Variants in FGD6 observed in about 807,000 individuals in gnomAD.
FGD6 encodes the protein FYVE, RhoGEF and PH domain containing 6.
A neutral mutation model predicts 149.4 loss-of-function variants in FGD6; 90 were observed. The ratio of observed to expected loss-of-function variants is 0.60; its 90% CI spans 0.51 to 0.72. The LOEUF (loss-of-function observed/expected upper bound fraction) is 0.72, where lower values mean the gene tolerates loss of function less well. Among genes scored for constraint, FGD6 ranks in the 30% least tolerant of loss-of-function variants. The probability of loss-of-function intolerance (pLI) is 0.00; values close to 1 mark genes in which losing one functional copy is unlikely to be tolerated. For synonymous variants in FGD6, 527 were observed against 584.0 expected, an observed-to-expected ratio of 0.90 and a Z score of 1.41; for missense variants, 1,437 against 1,684.8, an observed-to-expected ratio of 0.85 and a Z score of 2.57.
Position 95,209,782 on chromosome 12 carries a change from C to CT in FGD6, c.1501dup (p.Arg501LysfsTer3), listed in dbSNP as rs752409075. The stretch of plus-strand genomic sequence containing the variant: ...CACTCCTGTAGCAGGCAAGCTATGT[C>CT]TTTGAGGTTTTTTGGGGACAATTCG... On this transcript the variant is annotated frameshift_variant, in exon 2 of 21. Transcript: ENST00000343958. LOFTEE classifies it high-confidence loss of function. 2.5e-6 allele frequency: 4 copies of CT among 1,612,242 alleles called. No homozygotes were observed. The African/African-American group carries it at 5.3e-5, about 22-fold the overall frequency.
intron 2 of FGD6, among the ~76,000 whole-genome samples, chr12:95,203,483 A>G (rs2056673124): frequency 6.6e-6 from 1 of 152,212 alleles, no homozygotes. Flanking sequence ...CGCCCATTTA[A>G]AAAAGACTTG....
chr12:95,131,024 C>A (rs974102012), intron 8 of FGD6, among the ~76,000 whole-genome samples: 10 of 151,572 alleles, frequency 6.6e-5, no homozygotes, highest in African/African-American at 2.4e-4. Context: ...GTGCTTGTGC[C>A]TTTCTTTTTA....
chr12:95,100,780 C>T (rs895902697), intron 14 of FGD6: 11 of 459,826 alleles, frequency 2.4e-5, no homozygotes, highest in South Asian at 1.2e-4. Context: ...TAGTGATGAG[C>T]GAACAGAAAA....
At chr12:95,131,851 C>T (rs1317894783) in intron 8 of FGD6, among the ~76,000 whole-genome samples, 3 of 151,990 alleles carry the variant, frequency 2.0e-5, no homozygotes, top group Non-Finnish European at 4.4e-5. Context: ...ACCAGGCTGG[C>T]CAACACAGCA....
In FGD6 at chr12:95,081,473, T is replaced by G. The variant is rs1790736247; in HGVS notation, c.*47A>C. 1.3e-6 allele frequency: 2 copies of G among 1,548,022 alleles called. No individual in the cohort carries two copies. The highest frequency in any genetic ancestry group is 1.8e-6 in the Non-Finnish European group (2 of 1,140,596). On this transcript the variant is annotated 3_prime_UTR_variant, in exon 21 of 21. Coordinates refer to ENST00000343958, the MANE Select transcript of FGD6 (RefSeq NM_018351.4). ...TTGAATTGCATTTACTCCATTCTGA[T>G]GAAATTCCACCTCTTTGGAATCACA... is the stretch of plus-strand genomic sequence containing the variant.
At position 95,211,217 on chromosome 12, in the gene FGD6, T is replaced by C. The variant is rs1353378384; in HGVS notation, c.67A>G (p.Asn23Asp). ...APKPKFVVAN[N>D]KPAPPPIAPK... ...GCAATAGGAGGTGGGGCTGGCTTAT[T>C]ATTTGCCACAACAAACTTGGGCTTG... Residue 23 changes from asparagine to aspartate, a missense_variant, in exon 2 of 21, where the codon AAT becomes GAT. Transcript: ENST00000343958. 4.4e-6 allele frequency: 7 copies of C among 1,608,830 alleles called. No individual in the cohort carries two copies. In the East Asian group the frequency reaches 1.6e-4, roughly 36 times the overall value.
intron 3 of FGD6, among the ~76,000 whole-genome samples, chr12:95,153,248 C>T (rs1340534980): frequency 6.6e-6 from 1 of 152,222 alleles, no homozygotes; most frequent in Non-Finnish European, 1.5e-5. Context: ...AGCTCCAGAA[C>T]CTTGCTGGGA....
chr12:95,152,443 T>C (rs1303618728), intron 5 of FGD6, among the ~76,000 whole-genome samples: 2 of 152,026 alleles, frequency 1.3e-5, no homozygotes, highest in Non-Finnish European at 2.9e-5. Context: ...AAAGGAAAAA[T>C]AGTAAGAAAA....
chr12:95,205,236 C>CCA (rs1340503105), intron 2 of FGD6, among the ~76,000 whole-genome samples: 3 of 151,508 alleles, frequency 2.0e-5, no homozygotes, highest in African/African-American at 7.3e-5. Context: ...CCACTGTACT[C>CCA]CAGCCTGGGC....
At position 95,217,277 on chromosome 12, in the gene FGD6, T is replaced by G; in HGVS notation, c.-37A>C. On this transcript the variant is annotated 5_prime_UTR_variant, in exon 1 of 21. The change abolishes the stop of an existing upstream ORF in the 5' untranslated region. Coordinates refer to ENST00000343958, the MANE Select transcript of FGD6 (RefSeq NM_018351.4). Reference sequence around the variant, plus strand: ...GCAGCTCGCTTCCCCGCTCGGCCCCTCAATCCATCTTCCCCTTTCAGTCCA... The same window carrying G: ...GCAGCTCGCTTCCCCGCTCGGCCCCGCAATCCATCTTCCCCTTTCAGTCCA... 1 of 1,596,474 alleles carries G rather than the reference T, an allele frequency of 6.3e-7. No homozygotes were observed. The highest frequency in any genetic ancestry group is 8.6e-7 in the Non-Finnish European group (1 of 1,168,100).
chr12:95,177,249 C>T (rs1253166776), intron 2 of FGD6, among the ~76,000 whole-genome samples: 1 of 152,120 alleles, frequency 6.6e-6, no homozygotes, highest in African/African-American at 2.4e-5. Flanking sequence ...CCTTCTGAGC[C>T]CCTACTAAAT....
chr12:95,082,654 CA>C (rs71075900), intron 20 of FGD6, among the ~76,000 whole-genome samples: 125 of 67,776 alleles, frequency 1.8e-3, no homozygotes, highest in Middle Eastern at 0.01. Flanking sequence ...GAGACTGTCT[CA>C]AAAAAAAAAA....
chr12:95,177,341 C>CT (rs1881161991), intron 2 of FGD6, among the ~76,000 whole-genome samples: 1 of 152,206 alleles, frequency 6.6e-6, no homozygotes, highest in Non-Finnish European at 1.5e-5. Context: ...AATGGCTTCT[C>CT]TGTTGTTGAC....
intron 14 of FGD6, among the ~76,000 whole-genome samples, chr12:95,095,807 A>G (rs1878215071): frequency 6.6e-6 from 1 of 152,140 alleles, no homozygotes; most frequent in Admixed American, 6.6e-5. Context: ...TGAGCTCAGG[A>G]GTTCGAGACC....
rs1877665732 is a variant in FGD6, at chr12:95,081,358, T to G, written c.*162A>C. 8.9e-6 allele frequency: 4 copies of G among 451,166 alleles called. No individual in the cohort carries two copies. The highest frequency in any genetic ancestry group is 1.5e-5 in the Non-Finnish European group (4 of 260,696). 27.9% of individuals were successfully genotyped at this position (451,166 alleles called of 1,614,324 possible). The stretch of plus-strand genomic sequence containing the variant: ...TAACATAAATGAAAAAACAAACACC[T>G]TTTAAAAATTGCTTATACCTAACAA... On this transcript the variant is annotated 3_prime_UTR_variant, in exon 21 of 21. Coordinates refer to ENST00000343958, the MANE Select transcript of FGD6 (RefSeq NM_018351.4).
chr12:95,172,822 T>C (rs1881033296), intron 2 of FGD6, 78 bp from the exon 3 acceptor site: 7 of 1,201,622 alleles, frequency 5.8e-6, no homozygotes, highest in Non-Finnish European at 7.9e-6. Context: ...AATCAACATC[T>C]TATCTTCATA....
At chr12:95,126,093 G>A (rs1879330371) in intron 8 of FGD6, 1 of 1,120,508 alleles carries the variant, frequency 8.9e-7, no homozygotes, top group African/African-American at 1.5e-5. Flanking sequence ...TCATTTTAAA[G>A]TTATGAAGGC....
At chr12:95,162,476 A>G (rs1353673329) in intron 3 of FGD6, among the ~76,000 whole-genome samples, 1 of 152,150 alleles carries the variant, frequency 6.6e-6, no homozygotes, top group Middle Eastern at 3.2e-3. Context: ...GCAGTAAGTC[A>G]AGATTGCGCC....
intron 14 of FGD6, among the ~76,000 whole-genome samples, chr12:95,099,573 T>G (rs1249540762): frequency 6.6e-6 from 1 of 152,170 alleles, no homozygotes; most frequent in Non-Finnish European, 1.5e-5. Context: ...GTTCAATGAT[T>G]TCCCCTGCAG....
Sources: gnomAD v4.1 joint callset for allele counts (sites outside exome capture counted in the v4.1 genomes callset) on GRCh38, gnomAD v4.1.1 for gene constraint, MANE v1.5 for transcripts, NCBI Gene and HGNC (gene_info 2026-07-23, HGNC 2026-07-21) for gene names.